The following STYXL1 variants were observed in gnomAD, a reference collection of about 807,000 sequenced individuals.
STYXL1 encodes the protein serine/threonine/tyrosine-interacting-like protein 1.
STYXL1 carries 32 observed loss-of-function variants against 36.4 expected under a neutral mutation model. That is an observed-to-expected ratio of 0.88 (90% CI 0.66 to 1.18). The LOEUF is 1.18. Among genes scored for constraint, STYXL1 ranks in the 50% most tolerant of loss-of-function variants. The probability of loss-of-function intolerance (pLI) is 0.00; values close to 1 mark genes in which losing one functional copy is unlikely to be tolerated. For missense variants in STYXL1, 354 were observed against 394.1 expected (o/e 0.90, Z 0.86); for synonymous variants, 133 against 144.1 (o/e 0.92, Z 0.55).
chr7:76,024,977 G>A (rs1318579376), intron 3 of STYXL1, among the ~76,000 whole-genome samples: 1 of 131,868 alleles, frequency 7.6e-6, no homozygotes, highest in Non-Finnish European at 1.6e-5. Flanking sequence ...AAATTCAACA[G>A]TACGACATAT....
chr7:76,025,921 G>C (rs142747893), intron 3 of STYXL1, among the ~76,000 whole-genome samples: 2 of 151,980 alleles, frequency 1.3e-5, no homozygotes, highest in East Asian at 3.9e-4. Flanking sequence ...GGCCGGGCGC[G>C]GTGGCTCACG....
At chr7:76,000,079 T>C (rs1255155910) in intron 8 of STYXL1, among the ~76,000 whole-genome samples, 1 of 151,512 alleles carries the variant, frequency 6.6e-6, no homozygotes, top group East Asian at 2.0e-4. Context: ...TAATCCCAGC[T>C]ACGCGGGAGG....
intron 5 of STYXL1, among the ~76,000 whole-genome samples, chr7:76,006,021 T>G (rs537674460): frequency 2.6e-5 from 4 of 152,164 alleles, no homozygotes; most frequent in Non-Finnish European, 5.9e-5. Context: ...CTGCCCAAAG[T>G]GCTAGGATTA....
chr7:76,026,158 C>G (rs527513721), intron 3 of STYXL1, among the ~76,000 whole-genome samples: 12 of 113,748 alleles, frequency 1.1e-4, no homozygotes, highest in Non-Finnish European at 1.8e-4. Context: ...CACCACTGCA[C>G]TCCAGCCTGG....
chr7:76,028,602 G>C, intron 3 of STYXL1, 40 bp downstream of exon 3: 1 of 1,602,100 alleles, frequency 6.2e-7, no homozygotes, highest in Non-Finnish European at 8.5e-7. Context: ...CCCACTGCAA[G>C]GTAGCCAGCC....
rs2302437 is a variant in STYXL1, at chr7:76,047,698, G to A, written c.-41C>T. 123,390 of 215,016 alleles carry A rather than the reference G, an allele frequency of 0.57. 38,695 individuals are homozygous for A. The highest frequency in any genetic ancestry group is 0.7 in the Non-Finnish European group (73,230 of 104,304). The allele number at this position is 215,016 out of a possible 1,614,324, so 13.3% of individuals were successfully genotyped here. A position where few individuals can be genotyped will look rare whatever the true frequency, so the allele number is the denominator to read the frequency against. On this transcript the variant is annotated 5_prime_UTR_variant, in exon 1 of 9. Transcript: ENST00000359697. ...TCAGAGTCCCCTCTGGCCTCCAAGG[G>A]CAGAAGGAATGGGTTTGGCTGAGGT...
At chr7:76,002,656 G>A (rs1791103313) in intron 7 of STYXL1, among the ~76,000 whole-genome samples, 1 of 152,196 alleles carries the variant, frequency 6.6e-6, no homozygotes, top group Non-Finnish European at 1.5e-5. Context: ...GGGTGTGGTG[G>A]CTCACGCCTG....
intron 4 of STYXL1, among the ~76,000 whole-genome samples, chr7:76,021,080 ATT>A: frequency 6.9e-6 from 1 of 144,952 alleles, no homozygotes. Context: ...TGTTACAAGA[ATT>A]TTTTTTTTTT....
At chr7:76,027,281 A>G (rs1236910771) in intron 3 of STYXL1, among the ~76,000 whole-genome samples, 2 of 150,998 alleles carry the variant, frequency 1.3e-5, no homozygotes, top group Non-Finnish European at 2.9e-5. Context: ...GGCTCTGTCC[A>G]CTCCTCAGGA....
intron 2 of STYXL1, among the ~76,000 whole-genome samples, chr7:76,029,148 A>T (rs1236103963): frequency 6.6e-6 from 1 of 152,006 alleles, no homozygotes; most frequent in East Asian, 1.9e-4. Flanking sequence ...AAGGGGAAGG[A>T]AGAAATCAAA....
chr7:76,015,739 A>G (rs953290752), intron 4 of STYXL1, among the ~76,000 whole-genome samples: 1 of 152,142 alleles, frequency 6.6e-6, no homozygotes, highest in Non-Finnish European at 1.5e-5. Context: ...CAAAGTACTG[A>G]TCCTGGGCGT....
intron 3 of STYXL1, among the ~76,000 whole-genome samples, chr7:76,022,961 C>CA (rs1372889788): frequency 1.3e-5 from 2 of 151,808 alleles, no homozygotes; most frequent in African/African-American, 4.8e-5. Flanking sequence ...CAAAACAAAA[C>CA]AAACAAACAA....
chr7:76,034,407 C>T (rs1246333992), intron 1 of STYXL1, among the ~76,000 whole-genome samples: 1 of 152,180 alleles, frequency 6.6e-6, no homozygotes, highest in Non-Finnish European at 1.5e-5. Flanking sequence ...TGGTCACTTC[C>T]CTCTGGGCTC....
At chr7:76,016,407 A>G (rs187809047) in intron 4 of STYXL1, among the ~76,000 whole-genome samples, 1,898 of 151,698 alleles carry the variant, frequency 0.013, 42 homozygotes, top group African/African-American at 0.043. Flanking sequence ...ATATATACGT[A>G]TATCTATACG....
chr7:76,030,626 C>CA, intron 1 of STYXL1, 99 bp from the exon 2 acceptor site: 1 of 713,972 alleles, frequency 1.4e-6, no homozygotes, highest in Non-Finnish European at 2.5e-6. Flanking sequence ...AACATACCTT[C>CA]AAGCAAAGAT....
rs1479819983 is a variant in STYXL1, at chr7:76,046,347, C to T, written c.-5+1315G>A. On this transcript the variant is annotated intron_variant, in intron 1 of 8. Coordinates refer to ENST00000359697, the MANE Select transcript of STYXL1 (RefSeq NM_001317785.2). The stretch of plus-strand genomic sequence containing the variant: ...GTGTGTGTGTGTGTGTGTGCGCGCG[C>T]GCGCGCGCGCGCTTTTGAGCCGGAG... Among the ~76,000 whole-genome samples the T allele has an allele frequency of 3.7e-3, 209 of 57,116 alleles. 1 individual carries two copies. The highest frequency in any genetic ancestry group is 0.014 in the East Asian group (19 of 1,368). 37.5% of individuals were successfully genotyped at this position (57,116 alleles called of 152,430 possible). A position where few individuals can be genotyped will look rare whatever the true frequency, so the allele number is the denominator to read the frequency against.
intron 5 of STYXL1, 114 bp from the exon 6 acceptor site, chr7:76,005,518 G>A (rs999961456): frequency 2.0e-5 from 19 of 955,918 alleles, no homozygotes; most frequent in Non-Finnish European, 2.8e-5. Flanking sequence ...CCAGGACAGT[G>A]AATGTGACGG....
At chr7:76,034,378 T>C (rs1472524775) in intron 1 of STYXL1, among the ~76,000 whole-genome samples, 1 of 152,144 alleles carries the variant, frequency 6.6e-6, no homozygotes, top group Admixed American at 6.6e-5. Context: ...ATCAACAATG[T>C]CCATCTTGCC....
At chr7:76,009,023 C>CAA (rs554799702) in intron 5 of STYXL1, among the ~76,000 whole-genome samples, 1 of 151,396 alleles carries the variant, frequency 6.6e-6, no homozygotes, top group Non-Finnish European at 1.5e-5. Flanking sequence ...CAAAACAAAA[C>CAA]AAAAAAAACC....
Sources: allele counts gnomAD v4.1 joint callset (sites outside exome capture counted in the v4.1 genomes callset), GRCh38; gene constraint gnomAD v4.1.1; transcripts MANE v1.5; gene names NCBI Gene and HGNC (gene_info 2026-07-23, HGNC 2026-07-21).